ST6GAL1: variants seen among roughly 807,000 people sequenced by gnomAD.
ST6GAL1 encodes the protein beta-galactoside alpha-2,6-sialyltransferase 1.
A neutral mutation model predicts 38.0 loss-of-function variants in ST6GAL1; 20 were observed. The ratio of observed to expected loss-of-function variants is 0.53; its 90% CI spans 0.37 to 0.77. ST6GAL1 has a LOEUF of 0.77. ST6GAL1 is among the 30% of genes least tolerant of loss of function. ST6GAL1 has a pLI of 0.00. For synonymous variants in ST6GAL1, 196 were observed against 188.2 expected (o/e 1.04, Z -0.34); for missense variants, 432 against 496.4 (o/e 0.87, Z 1.23).
At chr3:187,073,029 A>G (rs1719440650) in intron 6 of ST6GAL1, 82 bp downstream of exon 6, 7 of 1,117,406 alleles carry the variant, frequency 6.3e-6, no homozygotes, top group Middle Eastern at 2.4e-4. Flanking sequence ...TTTTAAAGTC[A>G]TGGCTGACAT....
intron 2 of ST6GAL1, among the ~76,000 whole-genome samples, chr3:187,022,483 G>A (rs1717361520): frequency 6.6e-6 from 1 of 152,158 alleles, no homozygotes; most frequent in Admixed American, 6.5e-5. Context: ...CAGTAGGAAG[G>A]AATGCCTGAG....
At chr3:187,014,166 C>T (rs1184164650) in intron 2 of ST6GAL1, among the ~76,000 whole-genome samples, 1 of 152,214 alleles carries the variant, frequency 6.6e-6, no homozygotes, top group East Asian at 1.9e-4. Context: ...GGTGCTTTTG[C>T]ACACATTTTA....
intron 2 of ST6GAL1, among the ~76,000 whole-genome samples, chr3:186,973,698 C>T (rs1241719362): frequency 2.0e-5 from 3 of 152,086 alleles, no homozygotes; most frequent in African/African-American, 7.2e-5. Context: ...AGTGTTGGCT[C>T]CCTCTCCTAA....
At position 187,076,899 on chromosome 3, in the gene ST6GAL1, C is replaced by G. The variant is rs1326239803; in HGVS notation, c.*1096C>G. 1 of 398,878 alleles carries G rather than the reference C, an allele frequency of 2.5e-6. No homozygotes were observed. Among genetic ancestry groups the G allele is most frequent in the Admixed American group, 4.4e-5 (1 of 22,718 alleles). The allele number at this position is 398,878 out of a possible 1,614,324, so 24.7% of individuals were successfully genotyped here. ...AGGCTCTGCCTGGCCTGACCCTGTC[C>G]TGTCAGCTGGGTTTACATACCAGTC... On this transcript the variant is annotated 3_prime_UTR_variant, in exon 8 of 8. Transcript: ENST00000169298.
rs1178077641 is a variant in ST6GAL1, at chr3:187,070,359, A to C, written c.706-2490A>C. On this transcript the variant is annotated intron_variant, in intron 5 of 7. Transcript: ENST00000169298. ...TTGCACGTGGTTCCCCGTGTCTCAG[A>C]CACCCCCTCTCTCATGCTTACAGTC... 2.7e-5 allele frequency among the ~76,000 whole-genome samples: 4 copies of C among 148,138 alleles called. No individual in the cohort carries two copies. In the Admixed American group the frequency reaches 2.7e-4, roughly 10 times the overall value.
At chr3:187,048,181 G>C (rs1718372242) in intron 4 of ST6GAL1, among the ~76,000 whole-genome samples, 1 of 152,106 alleles carries the variant, frequency 6.6e-6, no homozygotes, top group Non-Finnish European at 1.5e-5. Context: ...CTGACCTCGT[G>C]ATCTGCCCAC....
In ST6GAL1 at chr3:187,075,478, C is replaced by A; in HGVS notation, c.980-84C>A. On this transcript the variant is annotated intron_variant, in intron 7 of 7. Coordinates refer to ENST00000169298, the MANE Select transcript of ST6GAL1 (RefSeq NM_173216.2). This position sits in a 1 kb window ranked among gnomAD's most constrained non-coding sequence, Gnocchi z 4.1. ...AGGGAAAGCTCTCCAAATTTGGGGT[C>A]ATGAGCTGCTGAACCCACTGGGCAG... The A allele has an allele frequency of 6.4e-7, 1 of 1,556,794 alleles. No individual in the cohort carries two copies. Among genetic ancestry groups the A allele is most frequent in the Non-Finnish European group, 8.7e-7 (1 of 1,149,408 alleles).
At position 187,043,249 on chromosome 3, in the gene ST6GAL1, C is replaced by T; in HGVS notation, c.546C>T (p.Gly182=). The change falls in exon 4 of 8, where the codon GGC becomes GGT. Residue 182 remains glycine, a synonymous_variant. Coordinates refer to ENST00000169298, the MANE Select transcript of ST6GAL1 (RefSeq NM_173216.2). ...ESIRTKAGPW[G]RCAVVSSAGS... ...TTAGGACCAAGGCTGGGCCTTGGGG[C>T]AGGTGTGCTGTTGTGTCGTCAGCGG... The T allele has an allele frequency of 6.2e-7, 1 of 1,614,174 alleles. No individual in the cohort carries two copies. Among genetic ancestry groups the T allele is most frequent in the Non-Finnish European group, 8.5e-7 (1 of 1,180,032 alleles).
chr3:187,009,897 C>A (rs930956895), intron 2 of ST6GAL1, among the ~76,000 whole-genome samples: 2 of 151,866 alleles, frequency 1.3e-5, no homozygotes, highest in African/African-American at 4.8e-5. Flanking sequence ...CCCAGCTACT[C>A]AGGAGGCCGA....
At chr3:186,975,390 G>C (rs919780956) in intron 2 of ST6GAL1, among the ~76,000 whole-genome samples, 12 of 152,216 alleles carry the variant, frequency 7.9e-5, no homozygotes, top group African/African-American at 2.9e-4. Flanking sequence ...AGACTGTTGT[G>C]AGGGTCCTAG....
At chr3:187,067,565 G>A (rs1719211000) in intron 5 of ST6GAL1, among the ~76,000 whole-genome samples, 1 of 151,916 alleles carries the variant, frequency 6.6e-6, no homozygotes, top group Non-Finnish European at 1.5e-5. Flanking sequence ...CTCTTCTCTG[G>A]ATAAAACTAT....
At chr3:187,016,955 G>A (rs1276419612) in intron 2 of ST6GAL1, among the ~76,000 whole-genome samples, 1 of 152,220 alleles carries the variant, frequency 6.6e-6, no homozygotes, top group African/African-American at 2.4e-5. Context: ...CAGCAGTACT[G>A]ACTCACTTTG....
intron 2 of ST6GAL1, among the ~76,000 whole-genome samples, chr3:186,987,200 G>A (rs74888406): frequency 0.1 from 14,089 of 138,704 alleles, 858 homozygotes; most frequent in East Asian, 0.23. Context: ...GGGAGGGAGG[G>A]AAGGAAAGAA....
chr3:187,021,304 TAGCCCTTGCTAC>T (rs1717290087), intron 2 of ST6GAL1, among the ~76,000 whole-genome samples: 1 of 152,044 alleles, frequency 6.6e-6, no homozygotes, highest in African/African-American at 2.4e-5. Flanking sequence ...CATAGCCCCA[TAGCCCTTGCTAC>T]AGTCTTGCTA....
At chr3:187,051,457 C>G in intron 5 of ST6GAL1, 111 bp downstream of exon 5, 3 of 898,914 alleles carry the variant, frequency 3.3e-6, no homozygotes, top group Non-Finnish European at 5.2e-6. Flanking sequence ...GTCTCTTGAT[C>G]TTCCTGAGTT....
intron 1 of ST6GAL1, among the ~76,000 whole-genome samples, chr3:186,942,671 G>A (rs1220858932): frequency 1.3e-5 from 2 of 152,118 alleles, no homozygotes; most frequent in African/African-American, 2.4e-5. Flanking sequence ...AAGGAAACGT[G>A]GCAAAATTTA....
intron 2 of ST6GAL1, chr3:187,021,740 CA>C (rs58948806): frequency 0.33 from 27,747 of 83,656 alleles, 1,925 homozygotes; most frequent in East Asian, 0.42. Flanking sequence ...GACTCTGTCT[CA>C]AAAAAAAAAA....
chr3:187,039,833 G>A (rs1185363055), intron 3 of ST6GAL1, among the ~76,000 whole-genome samples: 1 of 152,374 alleles, frequency 6.6e-6, no homozygotes, highest in South Asian at 2.1e-4. Flanking sequence ...TCAACCAAGG[G>A]TGGTGTCAAG....
chr3:187,066,475 G>A (rs773734761), intron 5 of ST6GAL1, among the ~76,000 whole-genome samples: 72 of 152,046 alleles, frequency 4.7e-4, no homozygotes, highest in Admixed American at 1.3e-4. Flanking sequence ...GTCACATTAG[G>A]GATTAGGGCT....
Sources: gnomAD v4.1 joint callset for allele counts (sites outside exome capture counted in the v4.1 genomes callset) on GRCh38, gnomAD v4.1.1 for gene constraint, Gnocchi (gnomAD v3.1) non-coding constraint, MANE v1.5 for transcripts, NCBI Gene and HGNC (gene_info 2026-07-23, HGNC 2026-07-21) for gene names.